The following ANKRD30B variants were observed in gnomAD, a reference collection of about 807,000 sequenced individuals.
The protein encoded by ANKRD30B is ankyrin repeat domain-containing protein 30B.
ANKRD30B carries 144 observed loss-of-function variants against 202.2 expected under a neutral mutation model. The observed-to-expected ratio is 0.71, with a 90% CI of 0.62 to 0.82. ANKRD30B has a LOEUF of 0.82. Ranked by LOEUF, ANKRD30B falls within the 40% of genes least tolerant of loss-of-function variation. The pLI, the probability that ANKRD30B is intolerant of heterozygous loss-of-function variation, is 0.00. For synonymous variants in ANKRD30B, 508 were observed against 561.3 expected (o/e 0.91, Z 1.34); for missense variants, 1,487 against 1,669.1 (o/e 0.89, Z 1.90).
chr18:14,824,713 T>G (rs948601474), intron 32 of ANKRD30B, among the ~76,000 whole-genome samples: 5 of 152,214 alleles, frequency 3.3e-5, no homozygotes, highest in Non-Finnish European at 7.3e-5. Context: ...GTCCCAAGAT[T>G]AGATTTAAGT....
At chr18:14,779,539 GT>G (rs1479149492) in intron 10 of ANKRD30B, among the ~76,000 whole-genome samples, 1 of 152,102 alleles carries the variant, frequency 6.6e-6, no homozygotes, top group Non-Finnish European at 1.5e-5. Flanking sequence ...TATTGATAAT[GT>G]TTTTTGAAGA....
At chr18:14,871,558 TC>T in the ANKRD30B span, among the ~76,000 whole-genome samples, 1 of 151,520 alleles carries the variant, frequency 6.6e-6, no homozygotes, top group Non-Finnish European at 1.5e-5. Flanking sequence ...GTTGCATTGG[TC>T]CTCAGGGGCA....
chr18:14,856,405 T>C (rs1458698735), downstream of ANKRD30B, among the ~76,000 whole-genome samples: 75 of 93,972 alleles, frequency 8.0e-4, no homozygotes, highest in Middle Eastern at 0.027. Context: ...AGAGGCGCTC[T>C]TCACTTCCCA....
At chr18:14,796,310 T>G (rs1458949178) in intron 17 of ANKRD30B, 33 bp from the exon 18 acceptor site, 1 of 1,608,942 alleles carries the variant, frequency 6.2e-7, no homozygotes, top group Non-Finnish European at 8.5e-7. Flanking sequence ...GCATATATTA[T>G]GTATTAATTT....
At chr18:14,891,155 T>A in the ANKRD30B span, among the ~76,000 whole-genome samples, 12 of 152,194 alleles carry the variant, frequency 7.9e-5, no homozygotes, top group African/African-American at 2.9e-4. Context: ...GAAGTGTCAA[T>A]TATCTGTGTG....
At chr18:14,845,376 T>A (rs1365510191) in intron 39 of ANKRD30B, among the ~76,000 whole-genome samples, 10 of 152,266 alleles carry the variant, frequency 6.6e-5, no homozygotes, top group Admixed American at 1.3e-4. Flanking sequence ...TTTTTTCCAG[T>A]TTTGTCAAAG....
chr18:14,765,186 T>A (rs1248155493), intron 7 of ANKRD30B, among the ~76,000 whole-genome samples: 1 of 151,962 alleles, frequency 6.6e-6, no homozygotes, highest in Non-Finnish European at 1.5e-5. Context: ...GACCGCTGGG[T>A]GTGGTGGCTC....
chr18:14,785,578 A>C (rs1368595069), intron 14 of ANKRD30B, among the ~76,000 whole-genome samples: 1 of 152,228 alleles, frequency 6.6e-6, no homozygotes, highest in East Asian at 1.9e-4. Context: ...GCAATCATAC[A>C]TTCCACTAAG....
chr18:14,908,113 A>C, the ANKRD30B span, among the ~76,000 whole-genome samples: 2 of 152,218 alleles, frequency 1.3e-5, no homozygotes, highest in African/African-American at 4.8e-5. Context: ...TGTTGGCAAG[A>C]CAGGTTAATG....
At chr18:14,922,933 G>A in the ANKRD30B span, among the ~76,000 whole-genome samples, 1 of 152,154 alleles carries the variant, frequency 6.6e-6, no homozygotes, top group East Asian at 1.9e-4. Flanking sequence ...AACCAGCTCA[G>A]CCACAGTAGA....
intron 41 of ANKRD30B, 31 bp downstream of exon 41, chr18:14,850,413 T>G: frequency 3.4e-6 from 5 of 1,475,726 alleles, no homozygotes; most frequent in Non-Finnish European, 4.5e-6. Flanking sequence ...AATTTTATAT[T>G]TCTGACTTTA....
chr18:14,757,025 T>G (rs1914476646), intron 4 of ANKRD30B, among the ~76,000 whole-genome samples: 2 of 152,262 alleles, frequency 1.3e-5, no homozygotes, highest in South Asian at 4.1e-4. Context: ...TGACTGACTA[T>G]TAATTGCTAT....
chr18:14,820,604 G>A (rs1441581123), intron 30 of ANKRD30B, among the ~76,000 whole-genome samples: 14 of 152,148 alleles, frequency 9.2e-5, no homozygotes, highest in South Asian at 4.1e-4. Flanking sequence ...GGCTTTTTCT[G>A]CATCTATTGA....
chr18:14,778,612 C>G (rs2143837651), intron 10 of ANKRD30B, among the ~76,000 whole-genome samples: 1 of 152,292 alleles, frequency 6.6e-6, no homozygotes, highest in Middle Eastern at 3.4e-3. Context: ...CATATTTGCA[C>G]AGCTGTGCGT....
the ANKRD30B span, among the ~76,000 whole-genome samples, chr18:14,927,523 C>T: frequency 1.8e-3 from 267 of 152,296 alleles, 1 homozygote; most frequent in African/African-American, 6.0e-3. Context: ...ATGGACAGCA[C>T]AGGAGGCCAG....
intron 39 of ANKRD30B, among the ~76,000 whole-genome samples, chr18:14,847,050 T>TTATATG (rs1421555010): frequency 4.5e-5 from 5 of 111,108 alleles, no homozygotes; most frequent in South Asian, 3.4e-4. Context: ...TGATTTAGTT[T>TTATATG]TATATATATA....
chr18:14,873,174 T>C, the ANKRD30B span, among the ~76,000 whole-genome samples: 3 of 152,172 alleles, frequency 2.0e-5, no homozygotes, highest in Non-Finnish European at 4.4e-5. Context: ...CTTCACTTTG[T>C]TATTCAGTAT....
chr18:14,799,532 G>A (rs1969175077), intron 22 of ANKRD30B, among the ~76,000 whole-genome samples: 1 of 152,072 alleles, frequency 6.6e-6, no homozygotes, highest in Non-Finnish European at 1.5e-5. Flanking sequence ...TATCCCGATA[G>A]TATAAAGTTT....
intron 7 of ANKRD30B, among the ~76,000 whole-genome samples, chr18:14,768,577 G>T (rs1916612115): frequency 6.6e-6 from 1 of 152,162 alleles, no homozygotes; most frequent in South Asian, 2.1e-4. Context: ...AGGACAACTT[G>T]CTGGTTTCTG....
Sources: allele counts gnomAD v4.1 joint callset (sites outside exome capture counted in the v4.1 genomes callset), GRCh38; gene constraint gnomAD v4.1.1; transcripts MANE v1.5; gene names NCBI Gene and HGNC (gene_info 2026-07-23, HGNC 2026-07-21).